The following SNX18 variants were observed in gnomAD, a reference collection of about 807,000 sequenced individuals.
SNX18 encodes the protein sorting nexin 18.
In SNX18, 35 loss-of-function variants were observed where a neutral mutation model predicts 48.7. The observed-to-expected ratio is 0.72, with a 90% CI of 0.55 to 0.95. The LOEUF (loss-of-function observed/expected upper bound fraction) is 0.95, where lower values mean the gene tolerates loss of function less well. Ranked by LOEUF, SNX18 falls within the 40% of genes least tolerant of loss-of-function variation. SNX18 has a pLI of 0.00. For missense variants in SNX18, 824 were observed against 871.0 expected (o/e 0.95, Z 0.68); for synonymous variants, 492 against 384.7 (o/e 1.28, Z -3.26).
At chr5:54,526,183 C>G (rs1379217351) in intron 1 of SNX18, among the ~76,000 whole-genome samples, 3 of 152,222 alleles carry the variant, frequency 2.0e-5, no homozygotes, top group African/African-American at 7.2e-5. Flanking sequence ...CGGCTCACTG[C>G]AACCTCTGCC....
the SNX18 span, among the ~76,000 whole-genome samples, chr5:54,556,302 A>C: frequency 2.0e-5 from 3 of 152,224 alleles, no homozygotes; most frequent in Non-Finnish European, 2.9e-5. Context: ...TTCTGAGCTA[A>C]AAATCAAGGC....
chr5:54,519,371 C>T lies in SNX18; in HGVS notation c.1419C>T (p.Gly473=), dbSNP rs762155166. The T allele has an allele frequency of 1.9e-6, 3 of 1,613,118 alleles. No homozygotes were observed. Among genetic ancestry groups the T allele is most frequent in the Non-Finnish European group, 1.7e-6 (2 of 1,179,464 alleles). Residue 473 remains glycine, a synonymous_variant, in exon 1 of 2, where the codon GGC becomes GGT. Coordinates refer to ENST00000381410, the MANE Select transcript of SNX18 (RefSeq NM_001102575.2). ...EYQKVGQSFR[G]LSQAFELDQQ... ...AGAAGGTGGGCCAGTCCTTCCGCGG[C>T]CTCAGCCAGGCCTTTGAGCTGGACC...
At chr5:54,587,259 C>T in the SNX18 span, among the ~76,000 whole-genome samples, 18 of 152,176 alleles carry the variant, frequency 1.2e-4, 1 homozygote, top group South Asian at 2.5e-3. Flanking sequence ...ATTGTCCTTA[C>T]GTAAAAGTTG....
At chr5:54,625,718 G>C in the SNX18 span, among the ~76,000 whole-genome samples, 6 of 152,198 alleles carry the variant, frequency 3.9e-5, no homozygotes, top group African/African-American at 1.4e-4. Flanking sequence ...CATCTTGGAG[G>C]CTGTCTAGGG....
chr5:54,601,846 C>A, the SNX18 span, among the ~76,000 whole-genome samples: 2 of 151,600 alleles, frequency 1.3e-5, no homozygotes, highest in East Asian at 1.9e-4. Context: ...CATGAGGTAA[C>A]AACACATGAT....
chr5:54,558,099 A>G, the SNX18 span, among the ~76,000 whole-genome samples: 1 of 152,174 alleles, frequency 6.6e-6, no homozygotes, highest in Admixed American at 6.5e-5. Flanking sequence ...TTTGCAGGTA[A>G]AAAAGACTCT....
At chr5:54,627,201 G>T in the SNX18 span, among the ~76,000 whole-genome samples, 183 of 152,284 alleles carry the variant, frequency 1.2e-3, no homozygotes, top group African/African-American at 3.1e-3. Flanking sequence ...AACAATGAGG[G>T]ACTTTTGTTG....
the SNX18 span, among the ~76,000 whole-genome samples, chr5:54,647,954 G>A: frequency 1.3e-5 from 2 of 151,774 alleles, no homozygotes; most frequent in African/African-American, 4.8e-5. Flanking sequence ...GAACCCGAAG[G>A]AATGCTGGTG....
rs1253256500 is a variant in SNX18 at position 54,518,135 on chromosome 5, C to T, written c.183C>T (p.Ala61=). Reference sequence around the variant, plus strand: ...CCTCCTATGTGCAGGTGATCCGCGCCCCCGAGCCTGGCCCGGCGGGAGACG... The same window carrying T: ...CCTCCTATGTGCAGGTGATCCGCGCTCCCGAGCCTGGCCCGGCGGGAGACG... ...FPASYVQVIR[A]PEPGPAGDGG... is the part of the protein sequence containing the mutation. The change falls in exon 1 of 2, where the codon GCC becomes GCT. Residue 61 remains alanine, a synonymous_variant. Coordinates refer to ENST00000381410, the MANE Select transcript of SNX18 (RefSeq NM_001102575.2). The T allele has an allele frequency of 4.2e-6, 6 of 1,430,158 alleles. No individual in the cohort carries two copies. The highest frequency in any genetic ancestry group is 1.4e-5 in the South Asian group (1 of 69,672). 88.6% of individuals were successfully genotyped at this position (1,430,158 alleles called of 1,614,324 possible).
intron 1 of SNX18, among the ~76,000 whole-genome samples, chr5:54,529,435 A>G (rs1179380375): frequency 6.6e-6 from 1 of 152,256 alleles, no homozygotes; most frequent in Non-Finnish European, 1.5e-5. Flanking sequence ...TAATGGTTGT[A>G]TAAGTCCCTA....
chr5:54,601,600 A>G, the SNX18 span, among the ~76,000 whole-genome samples: 55,930 of 151,846 alleles, frequency 0.37, 10,444 homozygotes, highest in South Asian at 0.57. Flanking sequence ...TTCATATTAG[A>G]CAGCCTTTGC....
the SNX18 span, among the ~76,000 whole-genome samples, chr5:54,569,479 T>A: frequency 6.6e-6 from 1 of 152,218 alleles, no homozygotes; most frequent in East Asian, 1.9e-4. Flanking sequence ...CAGGGCACAG[T>A]GGCTTTCCTT....
At chr5:54,538,853 A>G (rs536820860) in intron 1 of SNX18, among the ~76,000 whole-genome samples, 1 of 152,286 alleles carries the variant, frequency 6.6e-6, no homozygotes, top group South Asian at 2.1e-4. Context: ...CTGGGAAAAA[A>G]TCAATTTAGT....
At chr5:54,579,094 C>G in the SNX18 span, among the ~76,000 whole-genome samples, 2 of 152,094 alleles carry the variant, frequency 1.3e-5, no homozygotes, top group South Asian at 2.1e-4. Context: ...AATCCCAACA[C>G]TTTGGGAGGC....
intron 1 of SNX18, among the ~76,000 whole-genome samples, chr5:54,531,158 G>T (rs1762248101): frequency 6.6e-6 from 1 of 152,126 alleles, no homozygotes; most frequent in South Asian, 2.1e-4. Flanking sequence ...GTTGGGCAGA[G>T]ATGAGGAGGC....
the SNX18 span, among the ~76,000 whole-genome samples, chr5:54,647,595 A>T: frequency 2.0e-5 from 3 of 152,176 alleles, no homozygotes; most frequent in African/African-American, 7.2e-5. Flanking sequence ...AGGCAGAGGC[A>T]TGATCGTAGA....
chr5:54,594,787 A>T, the SNX18 span, among the ~76,000 whole-genome samples: 1 of 152,130 alleles, frequency 6.6e-6, no homozygotes, highest in Non-Finnish European at 1.5e-5. Context: ...CCAGGTAGTG[A>T]GCATAATACT....
chr5:54,526,712 A>C (rs909776023), intron 1 of SNX18, among the ~76,000 whole-genome samples: 1 of 152,144 alleles, frequency 6.6e-6, no homozygotes, highest in African/African-American at 2.4e-5. Flanking sequence ...AAAGATCCCC[A>C]CCCTTGTGGA....
At chr5:54,562,569 C>T in the SNX18 span, among the ~76,000 whole-genome samples, 1 of 152,104 alleles carries the variant, frequency 6.6e-6, no homozygotes, top group Non-Finnish European at 1.5e-5. Context: ...CAGCACAACG[C>T]GTTTCTCCTG....
Sources: allele counts gnomAD v4.1 joint callset (sites outside exome capture counted in the v4.1 genomes callset), GRCh38; gene constraint gnomAD v4.1.1; transcripts MANE v1.5; gene names NCBI Gene and HGNC (gene_info 2026-07-23, HGNC 2026-07-21).